Variants in CCDC85C observed in about 807,000 individuals in gnomAD.
CCDC85C encodes coiled-coil domain containing 85C, also known as coiled-coil domain-containing protein 85C.
A neutral mutation model predicts 38.3 loss-of-function variants in CCDC85C; 18 were observed. The observed-to-expected ratio is 0.47, with a 90% CI of 0.33 to 0.70. CCDC85C has a LOEUF of 0.70. CCDC85C is among the 30% of genes least tolerant of loss of function. The pLI is 0.03. For missense variants in CCDC85C, 566 were observed against 621.2 expected (o/e 0.91, Z 0.94); for synonymous variants, 264 against 293.8 (o/e 0.90, Z 1.04).
Position 99,507,048 on chromosome 14 carries a change from G to GCC in CCDC85C, c.*8197_*8198insGG, listed in dbSNP as rs1201011258. On this transcript the variant is annotated 3_prime_UTR_variant, in exon 6 of 6. Transcript: ENST00000380243. ...CTTATTCATGTGAAGAAGTATGAGTGGTTTTCTAATCTGCTTTTTCTTTGT... is the reference window on the plus strand; with the variant it reads ...CTTATTCATGTGAAGAAGTATGAGTGCCGTTTTCTAATCTGCTTTTTCTTTGT... 2 of 1,366,814 alleles carry GCC rather than the reference G, an allele frequency of 1.5e-6. No homozygotes were observed. Among genetic ancestry groups the GCC allele is most frequent in the Admixed American group, 3.4e-5 (2 of 59,692 alleles). 84.7% of individuals were successfully genotyped at this position (1,366,814 alleles called of 1,614,324 possible).
At chr14:99,549,080 C>T (rs1897858375) in intron 1 of CCDC85C, among the ~76,000 whole-genome samples, 1 of 152,204 alleles carries the variant, frequency 6.6e-6, no homozygotes, top group Non-Finnish European at 1.5e-5. Context: ...TCCGCTCCAC[C>T]TGCCAAGCTT....
chr14:99,525,049 G>A (rs1897357351), intron 2 of CCDC85C, among the ~76,000 whole-genome samples: 1 of 152,226 alleles, frequency 6.6e-6, no homozygotes, highest in Admixed American at 6.5e-5. Flanking sequence ...CTCACTTCTA[G>A]AGCCTCCAGA....
rs2055238107 is a variant in CCDC85C, at chr14:99,603,767, G to T, written c.193C>A (p.Leu65Met). Residue 65 changes from leucine to methionine, a missense_variant, in exon 1 of 6, where the codon CTG becomes ATG. Physicochemically the swap from Leu to Met is conservative, Grantham distance 15. Transcript: ENST00000380243. This position sits in a 1 kb window ranked among gnomAD's most constrained non-coding sequence, Gnocchi z 7.5. Reference sequence around the variant, plus strand: ...ACGTCCTTGAGGCCGCGGATCTCCAGCAGGTGCTGCTGCAGCCGCCGGTTC... The same window carrying T: ...ACGTCCTTGAGGCCGCGGATCTCCATCAGGTGCTGCTGCAGCCGCCGGTTC... ...DVNRRLQQHLLEIRGLKDVNQ... is the reference protein window; with the variant it reads ...DVNRRLQQHLMEIRGLKDVNQ... The T allele has an allele frequency of 1.3e-6, 2 of 1,525,076 alleles. No homozygotes were observed. Among genetic ancestry groups the T allele is most frequent in the African/African-American group, 1.4e-5 (1 of 71,526 alleles). 94.5% of individuals were successfully genotyped at this position (1,525,076 alleles called of 1,614,324 possible).
Position 99,603,926 on chromosome 14 carries a change from ACGC to A in CCDC85C, c.31_33del (p.Ala11del), listed in dbSNP as rs1328210660. The A allele has an allele frequency of 1.3e-5, 18 of 1,420,856 alleles. No homozygotes were observed. The highest frequency in any genetic ancestry group is 2.9e-5 in the South Asian group (2 of 68,602). 88.0% of individuals were successfully genotyped at this position (1,420,856 alleles called of 1,614,324 possible). Reference sequence around the variant, plus strand: ...TCCGGCACCTGGCTCAGCTCCTCCGACGCCGCCGCCGCCGTCGCCGCGGGCTTA... The same window carrying A: ...TCCGGCACCTGGCTCAGCTCCTCCGACGCCGCCGCCGTCGCCGCGGGCTTA... On this transcript the variant is annotated inframe_deletion, in exon 1 of 6. Transcript: ENST00000380243. The surrounding 1 kb of genome is among the most constrained non-coding windows in gnomAD (Gnocchi z 7.5).
In CCDC85C at chr14:99,510,309, C is replaced by A. The variant is rs1279653590; in HGVS notation, c.*4937G>T. 12 of 1,554,066 alleles carry A rather than the reference C, an allele frequency of 7.7e-6. No homozygotes were observed. The highest frequency in any genetic ancestry group is 1.1e-5 in the Non-Finnish European group (12 of 1,136,746). Reference sequence around the variant, plus strand: ...GCTGCCACACCGGCCCCCGCCCCCACCCCCCTCCAGCTACATGACCGGGAT... The same window carrying A: ...GCTGCCACACCGGCCCCCGCCCCCAACCCCCTCCAGCTACATGACCGGGAT... On this transcript the variant is annotated 3_prime_UTR_variant, in exon 6 of 6. Transcript: ENST00000380243.
chr14:99,595,246 T>C (rs1056450662), intron 1 of CCDC85C, among the ~76,000 whole-genome samples: 1 of 151,816 alleles, frequency 6.6e-6, no homozygotes, highest in African/African-American at 2.4e-5. Context: ...TTGGTTTCGT[T>C]TGGTTTTGGT....
At position 99,603,935 on chromosome 14, in the gene CCDC85C, C is replaced by A. The variant is rs2055242361; in HGVS notation, c.25G>T (p.Ala9Ser). 5.0e-6 allele frequency: 7 copies of A among 1,411,044 alleles called. No individual in the cohort carries two copies. The highest frequency in any genetic ancestry group is 3.0e-5 in the African/African-American group (2 of 66,622). The allele number at this position is 1,411,044 out of a possible 1,614,324, so 87.4% of individuals were successfully genotyped here. A position where few individuals can be genotyped will look rare whatever the true frequency, so the allele number is the denominator to read the frequency against. The change falls in exon 1 of 6, where the codon GCG (alanine) becomes TCG (serine). Residue 9 changes from alanine to serine, a missense_variant. Around this residue, in one of 3 missense-constraint regions of CCDC85C, gnomAD observed 269 missense variants for 308.2 expected, o/e 0.87. Coordinates refer to ENST00000380243, the MANE Select transcript of CCDC85C (RefSeq NM_001144995.2). The surrounding 1 kb of genome is among the most constrained non-coding windows in gnomAD (Gnocchi z 7.5). ...TGGCTCAGCTCCTCCGACGCCGCCG[C>A]CGCCGTCGCCGCGGGCTTAGCCATG... MAKPAATA[A>S]AASEELSQVP...
chr14:99,603,443 CG>C lies in CCDC85C; in HGVS notation c.516del (p.Gly173AlafsTer14). The C allele has an allele frequency of 7.9e-7, 1 of 1,270,702 alleles. No individual in the cohort carries two copies. The highest frequency in any genetic ancestry group is 2.7e-5 in the South Asian group (1 of 37,404). 78.7% of individuals were successfully genotyped at this position (1,270,702 alleles called of 1,614,324 possible). A position where few individuals can be genotyped will look rare whatever the true frequency, so the allele number is the denominator to read the frequency against. ...TCGATGGAGCTGCGGGAGCCGGCGC[CG>C]CCCCCGCCGCCGCCGCCACCGCTTG... ...GAASGGGGGG[G>X]GAGSRSSIDS... On this transcript the variant is annotated frameshift_variant, in exon 1 of 6. Transcript: ENST00000380243. LOFTEE classifies it high-confidence loss of function. The surrounding 1 kb of genome is among the most constrained non-coding windows in gnomAD (Gnocchi z 7.5).
chr14:99,581,551 C>T (rs923674733), intron 1 of CCDC85C, among the ~76,000 whole-genome samples: 2 of 152,234 alleles, frequency 1.3e-5, no homozygotes, highest in Non-Finnish European at 2.9e-5. Flanking sequence ...TGGCCTGGGG[C>T]GTCCATGACC....
In CCDC85C at chr14:99,506,754, CA is replaced by C; in HGVS notation, c.*8491del. 2.7e-6 allele frequency: 1 copy of C among 365,380 alleles called. No homozygotes were observed. The highest frequency in any genetic ancestry group is 2.3e-5 in the South Asian group (1 of 43,038). 22.6% of individuals were successfully genotyped at this position (365,380 alleles called of 1,614,324 possible). On this transcript the variant is annotated 3_prime_UTR_variant, in exon 6 of 6. Transcript: ENST00000380243. ...CAGGGAGGACTCCAGATAGGTCATACATGCTCATGAAGACGTTGCTCTGCTG... is the reference window on the plus strand; with the variant it reads ...CAGGGAGGACTCCAGATAGGTCATACTGCTCATGAAGACGTTGCTCTGCTG...
At position 99,572,828 on chromosome 14, in the gene CCDC85C, G is replaced by A. The variant is rs562004702; in HGVS notation, c.793+30339C>T. ...GGAAGTATCCCAGGAGCATGGAAAC[G>A]GGGCCTGGTGTGCAACAGGTGCTCA... On this transcript the variant is annotated intron_variant, in intron 1 of 5. Transcript: ENST00000380243. The surrounding 1 kb of genome is among the most constrained non-coding windows in gnomAD (Gnocchi z 4.4). 15 of 456,004 alleles carry A rather than the reference G, an allele frequency of 3.3e-5. No individual in the cohort carries two copies. Among genetic ancestry groups the A allele is most frequent in the Non-Finnish European group, 4.8e-5 (11 of 226,814 alleles). 28.2% of individuals were successfully genotyped at this position (456,004 alleles called of 1,614,324 possible).
Position 99,536,056 on chromosome 14 carries a change from T to C in CCDC85C, c.826A>G (p.Ser276Gly). The C allele has an allele frequency of 6.4e-7, 1 of 1,551,494 alleles. No homozygotes were observed. The change falls in exon 2 of 6, where the codon AGC becomes GGC. Residue 276 changes from serine to glycine, a missense_variant. Physicochemically the swap from Ser to Gly is moderately conservative, Grantham distance 56. Transcript: ENST00000380243. The part of the protein sequence containing the change: ...PSSTYIRQLE[S>G]KVRLLEGDKL... ...TCACCCTCCAGCAGCCTCACTTTGCTCTCCAGTTGCCTGATGTAGGTGGAT... is the reference window on the plus strand; with the variant it reads ...TCACCCTCCAGCAGCCTCACTTTGCCCTCCAGTTGCCTGATGTAGGTGGAT...
chr14:99,553,061 C>A (rs1020265756), intron 1 of CCDC85C, among the ~76,000 whole-genome samples: 52 of 152,322 alleles, frequency 3.4e-4, no homozygotes, highest in African/African-American at 1.2e-3. Flanking sequence ...GGCCTGGGGT[C>A]AGCTGGGCCT....
At chr14:99,577,553 G>C (rs1380074624) in intron 1 of CCDC85C, among the ~76,000 whole-genome samples, 2 of 152,012 alleles carry the variant, frequency 1.3e-5, no homozygotes, top group Admixed American at 1.3e-4. Flanking sequence ...AGACCTGTGT[G>C]GGGAGCTGAG....
intron 1 of CCDC85C, among the ~76,000 whole-genome samples, chr14:99,540,487 C>A (rs545125044): frequency 6.6e-6 from 1 of 152,344 alleles, no homozygotes; most frequent in East Asian, 1.9e-4. Context: ...CAAGCCCCAG[C>A]CTCTTGGAGA....
intron 1 of CCDC85C, 131 bp from the exon 2 acceptor site, chr14:99,536,219 G>A (rs1037667402): frequency 2.0e-5 from 14 of 700,672 alleles, no homozygotes; most frequent in African/African-American, 1.4e-4. Context: ...GCCAGGTGAC[G>A]CCCCAGCCCC....
chr14:99,563,392 G>A (rs907534335), intron 1 of CCDC85C, among the ~76,000 whole-genome samples: 3 of 152,282 alleles, frequency 2.0e-5, no homozygotes, highest in African/African-American at 4.8e-5. Flanking sequence ...CAGCAGGGCT[G>A]TGGGCAGGAG....
chr14:99,599,074 A>G (rs1189903585), intron 1 of CCDC85C, among the ~76,000 whole-genome samples: 1 of 152,134 alleles, frequency 6.6e-6, no homozygotes, highest in Non-Finnish European at 1.5e-5. Context: ...GGCTGGGTTT[A>G]GGAAAAGCAG....
Position 99,558,102 on chromosome 14 carries a change from G to A in CCDC85C, c.794-22014C>T, listed in dbSNP as rs1464461288. ...TTTAAGTCGATTCTGGAAAAACCTG[G>A]ACAAACCTCCACAGTTTCTCAGGGT... On this transcript the variant is annotated intron_variant, in intron 1 of 5. Coordinates refer to ENST00000380243, the MANE Select transcript of CCDC85C (RefSeq NM_001144995.2). The surrounding 1 kb of genome is among the most constrained non-coding windows in gnomAD (Gnocchi z 4.2). Among the ~76,000 whole-genome samples, 1 of 152,142 alleles carries A rather than the reference G, an allele frequency of 6.6e-6. No individual in the cohort carries two copies. Among genetic ancestry groups the A allele is most frequent in the East Asian group, 1.9e-4 (1 of 5,188 alleles).
Sources: allele counts gnomAD v4.1 joint callset (sites outside exome capture counted in the v4.1 genomes callset), GRCh38; gene constraint gnomAD v4.1.1; regional missense constraint gnomAD v4.1.1; non-coding constraint Gnocchi (gnomAD v3.1); transcripts MANE v1.5; gene names NCBI Gene and HGNC (gene_info 2026-07-23, HGNC 2026-07-21).